COL19A1: variants seen among roughly 807,000 people sequenced by gnomAD.
COL19A1 encodes the protein collagen type XIX alpha 1 chain.
Under a neutral mutation model 190.2 loss-of-function variants are expected in COL19A1, and 159 were observed. That is an observed-to-expected ratio of 0.84 (90% CI 0.73 to 0.95). The LOEUF (loss-of-function observed/expected upper bound fraction) is 0.95, where lower values mean the gene tolerates loss of function less well. Among genes scored for constraint, COL19A1 ranks in the 40% least tolerant of loss-of-function variants. The pLI is 0.00. For synonymous variants in COL19A1, 509 were observed against 458.9 expected (o/e 1.11, Z -1.39); for missense variants, 1,418 against 1,431.9 (o/e 0.99, Z 0.16).
intron 2 of COL19A1, among the ~76,000 whole-genome samples, chr6:69,894,725 C>G (rs1279841347): frequency 6.6e-6 from 1 of 152,162 alleles, no homozygotes; most frequent in Admixed American, 6.5e-5. Context: ...CTAAACAAAG[C>G]CTTGCCAAGC....
intron 1 of COL19A1, among the ~76,000 whole-genome samples, chr6:69,873,153 C>T (rs537378529): frequency 5.9e-5 from 9 of 152,204 alleles, no homozygotes; most frequent in East Asian, 5.8e-4. Flanking sequence ...GATGTGCACC[C>T]GCTCTCAGAG....
At chr6:70,129,939 G>T (rs1174162337) in intron 17 of COL19A1, among the ~76,000 whole-genome samples, 2 of 152,320 alleles carry the variant, frequency 1.3e-5, no homozygotes, top group South Asian at 2.1e-4. Context: ...TTCTCCAGAA[G>T]CAATCTCCTT....
At chr6:69,978,254 T>G (rs79479192) in intron 11 of COL19A1, among the ~76,000 whole-genome samples, 3,499 of 152,030 alleles carry the variant, frequency 0.023, 136 homozygotes, top group African/African-American at 0.078. Context: ...CATACATATA[T>G]AGAGAGAGAG....
intron 36 of COL19A1, among the ~76,000 whole-genome samples, chr6:70,164,563 T>G (rs371952252): frequency 7.9e-5 from 12 of 152,274 alleles, no homozygotes; most frequent in African/African-American, 2.2e-4. Flanking sequence ...CCCACTAGCC[T>G]TTTTTCTCTG....
At position 69,962,856 on chromosome 6, in the gene COL19A1, G is replaced by A; in HGVS notation, c.1012G>A (p.Glu338Lys). ...GEQGFEGSKGETGEKGEQGEK... is the reference protein window; with the variant it reads ...GEQGFEGSKGKTGEKGEQGEK... ...GCAAGGTTTTGAAGGCAGCAAAGGA[G>A]AAACTGGTGAAAAGGTAAATATCTC... Residue 338 changes from glutamate to lysine, a missense_variant, in exon 11 of 51, where the codon GAA (glutamate) becomes AAA (lysine). Coordinates refer to ENST00000620364, the MANE Select transcript of COL19A1 (RefSeq NM_001858.6). The A allele has an allele frequency of 6.2e-7, 1 of 1,607,372 alleles. No homozygotes were observed. Among genetic ancestry groups the A allele is most frequent in the Non-Finnish European group, 8.5e-7 (1 of 1,175,760 alleles).
chr6:69,974,174 A>G (rs1341310655), intron 11 of COL19A1: 2 of 152,256 alleles, frequency 1.3e-5, no homozygotes, highest in Non-Finnish European at 2.9e-5. Flanking sequence ...TAAAGGATCA[A>G]TGAAACAAGA....
intron 5 of COL19A1, among the ~76,000 whole-genome samples, chr6:69,929,045 G>A (rs1020072923): frequency 4.0e-5 from 6 of 151,744 alleles, no homozygotes; most frequent in Non-Finnish European, 8.8e-5. Context: ...AAATTCCTGT[G>A]TTACTAATAC....
chr6:69,926,955 A>T (rs1468155032), intron 4 of COL19A1, among the ~76,000 whole-genome samples: 2 of 152,172 alleles, frequency 1.3e-5, no homozygotes, highest in African/African-American at 4.8e-5. Context: ...ACCAGAAGGC[A>T]GTGGGATGAC....
At chr6:70,020,355 T>C (rs1274745126) in intron 11 of COL19A1, among the ~76,000 whole-genome samples, 1 of 152,128 alleles carries the variant, frequency 6.6e-6, no homozygotes, top group Non-Finnish European at 1.5e-5. Flanking sequence ...TATTTTTCTC[T>C]TATGAATTTC....
chr6:70,172,385 T>A (rs1347764518), intron 41 of COL19A1, among the ~76,000 whole-genome samples: 6 of 151,888 alleles, frequency 4.0e-5, no homozygotes, highest in Non-Finnish European at 8.8e-5. Flanking sequence ...ACAGCAGGTC[T>A]AAAGAGTCTG....
rs72914570 is a variant in COL19A1, at chr6:69,935,649, G to C, written c.748-1136G>C. 4.1e-3 allele frequency among the ~76,000 whole-genome samples: 622 copies of C among 152,020 alleles called. 6 individuals carry two copies. Among genetic ancestry groups the C allele is most frequent in the Non-Finnish European group, 6.0e-3 (409 of 67,914 alleles). ...AGTAAACTAGTTGCTGTATTTCTGGGTGTTGGTTTTGTTACAGTTTTTATT... is the reference window on the plus strand; with the variant it reads ...AGTAAACTAGTTGCTGTATTTCTGGCTGTTGGTTTTGTTACAGTTTTTATT... On this transcript the variant is annotated intron_variant, in intron 7 of 50. Transcript: ENST00000620364.
intron 11 of COL19A1, among the ~76,000 whole-genome samples, chr6:69,972,004 T>C (rs1371751772): frequency 6.6e-6 from 1 of 152,230 alleles, no homozygotes; most frequent in Non-Finnish European, 1.5e-5. Context: ...AAGTTGGACG[T>C]AGATGTGCTT....
At chr6:69,910,011 T>C (rs1429626906) in intron 4 of COL19A1, among the ~76,000 whole-genome samples, 4 of 152,148 alleles carry the variant, frequency 2.6e-5, no homozygotes, top group Non-Finnish European at 5.9e-5. Flanking sequence ...TGACACACAG[T>C]GGTGTTTAGT....
chr6:69,931,915 T>C (rs1461245953), intron 6 of COL19A1, among the ~76,000 whole-genome samples: 1 of 152,062 alleles, frequency 6.6e-6, no homozygotes, highest in Admixed American at 6.6e-5. Flanking sequence ...GCCTGCTTTC[T>C]ATTATTATAA....
rs767702174 is a variant in COL19A1 at position 70,156,317 on chromosome 6, G to T, written c.2186G>T (p.Gly729Val). 6.2e-7 allele frequency: 1 copy of T among 1,613,306 alleles called. No individual in the cohort carries two copies. Among genetic ancestry groups the T allele is most frequent in the East Asian group, 2.2e-5 (1 of 44,842 alleles). Residue 729 changes from glycine to valine, a missense_variant and splice_region_variant, in exon 33 of 51, where the codon GGT becomes GTT. By Grantham distance (109) the Gly-to-Val change is moderately radical (BLOSUM62 -3). Coordinates refer to ENST00000620364, the MANE Select transcript of COL19A1 (RefSeq NM_001858.6). ...PGKYDSMARK[G>V]DIGPRGPPGI... ...TTCTGTTCTTCCTCTGTCTTCTAGG[G>T]TGATATAGGGCCACGGGGTCCTCCA...
At chr6:69,956,607 C>T (rs1406712072) in intron 9 of COL19A1, among the ~76,000 whole-genome samples, 1 of 151,978 alleles carries the variant, frequency 6.6e-6, no homozygotes, top group Non-Finnish European at 1.5e-5. Flanking sequence ...TAAAGCAGGA[C>T]TATAGTCAGT....
chr6:70,120,660 A>G (rs753611209), intron 16 of COL19A1, among the ~76,000 whole-genome samples: 34 of 152,178 alleles, frequency 2.2e-4, no homozygotes, highest in Non-Finnish European at 4.3e-4. Flanking sequence ...TGTCTTTCCA[A>G]TCATAGGCAA....
Position 70,207,190 on chromosome 6 carries a change from C to T in COL19A1, c.3345C>T (p.Gly1115=), listed in dbSNP as rs1195246084. 3 of 1,610,856 alleles carry T rather than the reference C, an allele frequency of 1.9e-6. No individual in the cohort carries two copies. The highest frequency in any genetic ancestry group is 2.5e-6 in the Non-Finnish European group (3 of 1,177,576). ...CACCAGGTGCCCCAGGCCCACAGGG[C>T]CCCCCAGGACCCAGTGGAAGATGTA... The part of the protein sequence containing the change: ...PGSPGAPGPQ[G]PPGPSGRCNP... Residue 1115 remains glycine, a synonymous_variant, in exon 51 of 51, where the codon GGC becomes GGT. Transcript: ENST00000620364.
chr6:70,109,412 T>A (rs1784154339), intron 16 of COL19A1, among the ~76,000 whole-genome samples: 1 of 152,002 alleles, frequency 6.6e-6, no homozygotes, highest in Non-Finnish European at 1.5e-5. Context: ...AAAAGAATAG[T>A]GCCAGAAAAG....
Sources: gnomAD v4.1 joint callset for allele counts (sites outside exome capture counted in the v4.1 genomes callset) on GRCh38, gnomAD v4.1.1 for gene constraint, MANE v1.5 for transcripts, NCBI Gene and HGNC (gene_info 2026-07-23, HGNC 2026-07-21) for gene names.